The following MTAP variants were observed in gnomAD, a reference collection of about 807,000 sequenced individuals.
The protein encoded by MTAP is methylthioadenosine phosphorylase.
In MTAP, 33 loss-of-function variants were observed where a neutral mutation model predicts 33.6. The ratio of observed to expected loss-of-function variants is 0.98; its 90% CI spans 0.74 to 1.31. The LOEUF (loss-of-function observed/expected upper bound fraction) is 1.31, where lower values mean the gene tolerates loss of function less well. Among genes scored for constraint, MTAP ranks in the 40% most tolerant of loss-of-function variants. The pLI, the probability that MTAP is intolerant of heterozygous loss-of-function variation, is 0.00. For synonymous variants in MTAP, 148 were observed against 125.7 expected (o/e 1.18, Z -1.19); for missense variants, 367 against 360.0 (o/e 1.02, Z -0.16).
intron 1 of MTAP, among the ~76,000 whole-genome samples, chr9:21,873,071 A>G (rs965924009): frequency 8.5e-5 from 13 of 152,128 alleles, no homozygotes; most frequent in African/African-American, 2.9e-4. Context: ...ATGCCCCCTT[A>G]TTACCTTAAC....
At chr9:21,830,796 T>G (rs1252481107) in intron 4 of MTAP, among the ~76,000 whole-genome samples, 2 of 152,144 alleles carry the variant, frequency 1.3e-5, no homozygotes. Context: ...CTTAGAGAAA[T>G]GTAGAAGCAT....
chr9:21,848,582 T>C (rs1825436896), intron 5 of MTAP, among the ~76,000 whole-genome samples: 1 of 152,164 alleles, frequency 6.6e-6, no homozygotes, highest in African/African-American at 2.4e-5. Context: ...TGGTTTAATT[T>C]AGAGGAGGGG....
chr9:21,896,905 C>G (rs948771607), intron 1 of MTAP, among the ~76,000 whole-genome samples: 4 of 152,136 alleles, frequency 2.6e-5, no homozygotes, highest in African/African-American at 7.2e-5. Flanking sequence ...ATCCTGATAC[C>G]AAAGCCTGGC....
At chr9:21,838,573 T>C (rs1200347631) in intron 5 of MTAP, among the ~76,000 whole-genome samples, 1 of 152,252 alleles carries the variant, frequency 6.6e-6, no homozygotes, top group Non-Finnish European at 1.5e-5. Context: ...CTTCTAAAAA[T>C]GGTCAGATTG....
At chr9:21,881,634 T>C (rs1181123624) in intron 1 of MTAP, among the ~76,000 whole-genome samples, 1 of 152,066 alleles carries the variant, frequency 6.6e-6, no homozygotes, top group African/African-American at 2.4e-5. Context: ...GCATTGCTGC[T>C]TGACATCAGT....
At chr9:21,868,545 A>G (rs1825889989), downstream of MTAP, among the ~76,000 whole-genome samples, 1 of 152,152 alleles carries the variant, frequency 6.6e-6, no homozygotes, top group Non-Finnish European at 1.5e-5. Context: ...TGTTTTTTTA[A>G]CTCATCAGTT....
chr9:21,917,614 G>A (rs1230372596), intron 1 of MTAP, among the ~76,000 whole-genome samples: 1 of 152,194 alleles, frequency 6.6e-6, no homozygotes, highest in Admixed American at 6.5e-5. Flanking sequence ...TGGATGTGGT[G>A]CAAAGGGAAC....
chr9:21,841,473 G>C (rs1825242566), intron 5 of MTAP, among the ~76,000 whole-genome samples: 1 of 152,244 alleles, frequency 6.6e-6, no homozygotes, highest in Non-Finnish European at 1.5e-5. Flanking sequence ...CAGCATTCAA[G>C]AGAGCCAGCA....
chr9:21,838,015 G>A lies in MTAP; in HGVS notation c.450+5G>A, dbSNP rs1290637222. ...TTTTGCCCCAAAACGAGAGAGGTGT[G>A]TAGTCTTTCTGGAAGGTGTACCAGA... On this transcript the variant is annotated splice_donor_5th_base_variant and intron_variant, in intron 5 of 7. Transcript: ENST00000644715. 2 of 1,611,766 alleles carry A rather than the reference G, an allele frequency of 1.2e-6. No individual in the cohort carries two copies. The highest frequency in any genetic ancestry group is 1.1e-5 in the South Asian group (1 of 91,012).
chr9:21,829,496 G>C (rs1238528074), intron 4 of MTAP, among the ~76,000 whole-genome samples: 1 of 151,182 alleles, frequency 6.6e-6, no homozygotes, highest in African/African-American at 2.4e-5. Context: ...TGCAATCTCG[G>C]CTCACTGCAA....
intron 5 of MTAP, among the ~76,000 whole-genome samples, chr9:21,842,893 A>G (rs1383566783): frequency 6.6e-6 from 1 of 152,234 alleles, no homozygotes; most frequent in African/African-American, 2.4e-5. Flanking sequence ...CATGATGAAT[A>G]GAACAGTACC....
At chr9:21,842,058 G>T (rs1199272719) in intron 5 of MTAP, among the ~76,000 whole-genome samples, 1 of 152,140 alleles carries the variant, frequency 6.6e-6, no homozygotes, top group Non-Finnish European at 1.5e-5. Context: ...GAAAACTTCT[G>T]CAGAGAAATA....
intron 1 of MTAP, among the ~76,000 whole-genome samples, chr9:21,883,787 T>C (rs1225392768): frequency 1.3e-5 from 2 of 151,432 alleles, no homozygotes; most frequent in Non-Finnish European, 2.9e-5. Flanking sequence ...AAGCAGGCAA[T>C]CAGCAATACC....
At chr9:21,852,395 C>T (rs1208701550) in intron 5 of MTAP, among the ~76,000 whole-genome samples, 1 of 151,372 alleles carries the variant, frequency 6.6e-6, no homozygotes, top group Non-Finnish European at 1.5e-5. Context: ...CCTGTAATCC[C>T]AGCTAATCAG....
At chr9:21,803,080 C>A in intron 1 of MTAP, 1 of 731,910 alleles carries the variant, frequency 1.4e-6, no homozygotes, top group Non-Finnish European at 2.0e-6. Context: ...AGGGCGTAGG[C>A]ACCCCTTTAG....
intron 5 of MTAP, among the ~76,000 whole-genome samples, chr9:21,840,127 G>A (rs558866767): frequency 6.6e-6 from 1 of 152,102 alleles, no homozygotes; most frequent in Non-Finnish European, 1.5e-5. Flanking sequence ...TTGGGAGGCT[G>A]AGGCAGGAGA....
intron 1 of MTAP, among the ~76,000 whole-genome samples, chr9:21,884,722 C>G (rs1818080719): frequency 6.6e-6 from 1 of 152,078 alleles, no homozygotes; most frequent in East Asian, 1.9e-4. Context: ...ACTTCCATGA[C>G]CTCATCTAAA....
intron 1 of MTAP, among the ~76,000 whole-genome samples, chr9:21,891,906 C>T (rs1011104768): frequency 2.0e-5 from 3 of 152,066 alleles, no homozygotes; most frequent in African/African-American, 7.2e-5. Context: ...AAAGGGACCC[C>T]CATCAGGCTA....
intron 1 of MTAP, among the ~76,000 whole-genome samples, chr9:21,881,489 A>C (rs1818010508): frequency 6.6e-6 from 1 of 152,052 alleles, no homozygotes; most frequent in African/African-American, 2.4e-5. Context: ...TGCAAACCAT[A>C]TATCTGATGA....
Sources: gnomAD v4.1 joint callset for allele counts (sites outside exome capture counted in the v4.1 genomes callset) on GRCh38, gnomAD v4.1.1 for gene constraint, MANE v1.5 for transcripts, NCBI Gene and HGNC (gene_info 2026-07-23, HGNC 2026-07-21) for gene names.